NTM: variants seen among roughly 807,000 people sequenced by gnomAD.
NTM encodes the protein IgLON family member 2.
In NTM, 13 loss-of-function variants were observed where a neutral mutation model predicts 42.1. The observed-to-expected ratio is 0.31, with a 90% CI of 0.20 to 0.49. The LOEUF (loss-of-function observed/expected upper bound fraction) is 0.49, where lower values mean the gene tolerates loss of function less well. NTM is among the 20% of genes least tolerant of loss of function. The probability of loss-of-function intolerance (pLI) is 0.99; values close to 1 mark genes in which losing one functional copy is unlikely to be tolerated. For missense variants in NTM, 373 were observed against 452.8 expected (o/e 0.82, Z 1.60); for synonymous variants, 187 against 179.2 (o/e 1.04, Z -0.35).
chr11:131,879,586 T>C (rs11222828), intron 1 of NTM, among the ~76,000 whole-genome samples: 3,706 of 152,284 alleles, frequency 0.024, 73 homozygotes, highest in Non-Finnish European at 0.038. Context: ...TCGTCAGCTT[T>C]GTAGCACTAT....
intron 2 of NTM, among the ~76,000 whole-genome samples, chr11:132,069,578 GGTTA>G (rs1228377116): frequency 6.6e-6 from 1 of 150,840 alleles, no homozygotes; most frequent in Non-Finnish European, 1.5e-5. Flanking sequence ...GACCGTCACA[GGTTA>G]GTTAACACGT....
intron 1 of NTM, among the ~76,000 whole-genome samples, chr11:131,714,108 T>C (rs2077440583): frequency 6.6e-6 from 1 of 152,188 alleles, no homozygotes; most frequent in South Asian, 2.1e-4. Flanking sequence ...TTTTGCCTCA[T>C]AGGGCACATG....
At chr11:131,859,549 C>T (rs2136939120) in intron 1 of NTM, among the ~76,000 whole-genome samples, 1 of 152,282 alleles carries the variant, frequency 6.6e-6, no homozygotes, top group Non-Finnish European at 1.5e-5. Context: ...TCTGAGACTT[C>T]ACTTGTGTTC....
intron 1 of NTM, among the ~76,000 whole-genome samples, chr11:131,584,432 G>A (rs568244152): frequency 1.3e-5 from 2 of 152,266 alleles, no homozygotes; most frequent in South Asian, 4.2e-4. Context: ...GGCCATGAGA[G>A]GGGAGTTAAA....
intron 2 of NTM, among the ~76,000 whole-genome samples, chr11:131,938,416 A>G (rs1470712963): frequency 6.6e-6 from 1 of 152,258 alleles, no homozygotes; most frequent in African/African-American, 2.4e-5. Flanking sequence ...AGTTAGGGAA[A>G]GAAAACGGAA....
intron 1 of NTM, among the ~76,000 whole-genome samples, chr11:131,782,843 T>C (rs1274205018): frequency 6.6e-6 from 1 of 152,142 alleles, no homozygotes; most frequent in Non-Finnish European, 1.5e-5. Flanking sequence ...AACCTGATAA[T>C]TGTAATCTAC....
intron 1 of NTM, among the ~76,000 whole-genome samples, chr11:131,742,988 T>C (rs2081369070): frequency 6.6e-6 from 1 of 152,204 alleles, no homozygotes; most frequent in African/African-American, 2.4e-5. Flanking sequence ...TATCAGCTGT[T>C]CATGCATTTA....
chr11:132,161,987 G>A (rs777394197), intron 3 of NTM, among the ~76,000 whole-genome samples: 2 of 152,286 alleles, frequency 1.3e-5, no homozygotes, highest in South Asian at 4.1e-4. Context: ...ATCCAACCCC[G>A]GTTGAAATTC....
chr11:131,642,692 T>A (rs190882807), intron 1 of NTM, among the ~76,000 whole-genome samples: 177 of 152,212 alleles, frequency 1.2e-3, no homozygotes, highest in African/African-American at 3.8e-3. Flanking sequence ...ATCCAAAAAG[T>A]TTGGAGGACA....
chr11:131,404,455 G>A (rs1463053968), intron 1 of NTM, among the ~76,000 whole-genome samples: 1 of 151,876 alleles, frequency 6.6e-6, no homozygotes, highest in Non-Finnish European at 1.5e-5. Context: ...CTGTATGCTG[G>A]GTCTGCAAGG....
intron 7 of NTM, among the ~76,000 whole-genome samples, chr11:132,323,271 A>T (rs2095609211): frequency 6.6e-6 from 1 of 151,896 alleles, no homozygotes; most frequent in Admixed American, 6.6e-5. Context: ...AACAAAATTG[A>T]TAGACCGCTA....
intron 2 of NTM, among the ~76,000 whole-genome samples, chr11:132,032,684 C>G (rs1190606528): frequency 2.0e-5 from 3 of 152,124 alleles, no homozygotes; most frequent in Non-Finnish European, 2.9e-5. Flanking sequence ...GGGAAGTCCT[C>G]CAAGTCACCC....
intron 1 of NTM, among the ~76,000 whole-genome samples, chr11:131,873,262 C>A (rs552726116): frequency 6.6e-6 from 1 of 151,656 alleles, no homozygotes; most frequent in African/African-American, 2.4e-5. Flanking sequence ...AACACAGGAA[C>A]AGAAAACCAA....
chr11:132,178,684 C>A (rs1021164681), intron 3 of NTM, among the ~76,000 whole-genome samples: 1 of 151,920 alleles, frequency 6.6e-6, no homozygotes, highest in Admixed American at 6.6e-5. Context: ...ATCATTTGCT[C>A]GTCTTAAAAA....
intron 2 of NTM, among the ~76,000 whole-genome samples, chr11:132,069,675 CATCACA>C: frequency 6.7e-6 from 1 of 148,220 alleles, no homozygotes; most frequent in Middle Eastern, 3.5e-3. Context: ...TCACACTGAC[CATCACA>C]GGTTAGTTAA....
chr11:131,828,986 CTCTG>C (rs1200328879), intron 1 of NTM, among the ~76,000 whole-genome samples: 3 of 152,092 alleles, frequency 2.0e-5, no homozygotes, highest in East Asian at 1.9e-4. Context: ...CTCTCTCTCT[CTCTG>C]TCTCTCTCTG....
chr11:131,674,703 A>AT (rs1418613111), intron 1 of NTM, among the ~76,000 whole-genome samples: 3 of 152,162 alleles, frequency 2.0e-5, no homozygotes, highest in Middle Eastern at 3.2e-3. Context: ...GAATATTGCC[A>AT]TTGTTATTTG....
At chr11:132,277,000 G>C (rs1188080786) in intron 4 of NTM, among the ~76,000 whole-genome samples, 1 of 152,096 alleles carries the variant, frequency 6.6e-6, no homozygotes, top group Admixed American at 6.6e-5. Flanking sequence ...TTTTTATGTT[G>C]ATTTTGCATT....
chr11:131,496,332 G>A (rs1244967542), intron 1 of NTM, among the ~76,000 whole-genome samples: 3 of 152,210 alleles, frequency 2.0e-5, no homozygotes, highest in Admixed American at 6.5e-5. Context: ...GTCTGGTGAT[G>A]CTGCATCTGT....
Sources: gnomAD v4.1 joint callset for allele counts (sites outside exome capture counted in the v4.1 genomes callset) on GRCh38, gnomAD v4.1.1 for gene constraint, MANE v1.5 for transcripts, NCBI Gene and HGNC (gene_info 2026-07-23, HGNC 2026-07-21) for gene names.